Variants in GNAQ observed in about 807,000 individuals in gnomAD.
GNAQ encodes guanine nucleotide-binding protein G(q) subunit alpha.
A neutral mutation model predicts 43.9 loss-of-function variants in GNAQ; 8 were observed. The ratio of observed to expected loss-of-function variants is 0.18; its 90% CI spans 0.11 to 0.33. The LOEUF (loss-of-function observed/expected upper bound fraction) is 0.33. GNAQ is among the 10% of genes least tolerant of loss of function. The pLI, the probability that GNAQ is intolerant of heterozygous loss-of-function variation, is 1.00. For synonymous variants in GNAQ, 155 were observed against 170.7 expected, an observed-to-expected ratio of 0.91 and a Z score of 0.71; for missense variants, 158 against 450.8, an observed-to-expected ratio of 0.35 and a Z score of 5.88.
At chr9:77,983,099 T>A (rs1823388949) in intron 1 of GNAQ, among the ~76,000 whole-genome samples, 1 of 152,196 alleles carries the variant, frequency 6.6e-6, no homozygotes, top group African/African-American at 2.4e-5. Flanking sequence ...CTACCCAGAA[T>A]TCTGCTGTAC....
chr9:78,029,364 AAC>A (rs2118625525), intron 1 of GNAQ, among the ~76,000 whole-genome samples: 1 of 138,226 alleles, frequency 7.2e-6, no homozygotes, highest in Admixed American at 7.0e-5. Context: ...ATACACTTAA[AAC>A]ACTCTTATTT....
chr9:77,872,873 C>A (rs908313251), intron 2 of GNAQ, among the ~76,000 whole-genome samples: 11 of 152,182 alleles, frequency 7.2e-5, no homozygotes, highest in African/African-American at 2.7e-4. Context: ...ACTGATAGTG[C>A]ACTCTCCCTC....
intron 2 of GNAQ, among the ~76,000 whole-genome samples, chr9:77,888,474 G>A (rs1228649481): frequency 6.6e-6 from 1 of 152,132 alleles, no homozygotes; most frequent in African/African-American, 2.4e-5. Context: ...AGCAGAGTGG[G>A]GTAAATGCAG....
intron 1 of GNAQ, among the ~76,000 whole-genome samples, chr9:77,953,555 G>A (rs904671186): frequency 3.3e-5 from 5 of 152,110 alleles, no homozygotes; most frequent in East Asian, 1.9e-4. Context: ...GGGATGAGCC[G>A]GAATTAGAAA....
chr9:77,725,099 A>C (rs905977546), intron 6 of GNAQ, among the ~76,000 whole-genome samples: 3 of 148,332 alleles, frequency 2.0e-5, no homozygotes, highest in African/African-American at 7.5e-5. Flanking sequence ...TTTCTTTTTT[A>C]TTTACCCTAC....
chr9:77,921,079 T>A (rs1438737193), intron 2 of GNAQ, among the ~76,000 whole-genome samples: 2 of 152,330 alleles, frequency 1.3e-5, no homozygotes, highest in South Asian at 4.1e-4. Flanking sequence ...AAATTTCTTA[T>A]TGAAGGCTCT....
At chr9:77,921,321 T>A (rs1368964906) in intron 2 of GNAQ, among the ~76,000 whole-genome samples, 1 of 152,244 alleles carries the variant, frequency 6.6e-6, no homozygotes, top group East Asian at 1.9e-4. Flanking sequence ...ACACCCTGGG[T>A]GCAGGTCCAG....
intron 1 of GNAQ, among the ~76,000 whole-genome samples, chr9:77,958,463 A>G (rs1179201522): frequency 6.6e-6 from 1 of 152,246 alleles, no homozygotes; most frequent in Non-Finnish European, 1.5e-5. Context: ...ATTCTGCAAT[A>G]TTGTGAATTA....
At chr9:77,907,884 T>C (rs1396122333) in intron 2 of GNAQ, among the ~76,000 whole-genome samples, 1 of 152,200 alleles carries the variant, frequency 6.6e-6, no homozygotes, top group East Asian at 1.9e-4. Context: ...CTGCATTTAC[T>C]CTTTTGCACA....
chr9:77,845,437 A>G (rs1827569358), intron 2 of GNAQ, among the ~76,000 whole-genome samples: 1 of 152,236 alleles, frequency 6.6e-6, no homozygotes. Flanking sequence ...AATGTAGGTT[A>G]CATTGGTAAA....
At chr9:77,995,436 A>G (rs1823556705) in intron 1 of GNAQ, among the ~76,000 whole-genome samples, 1 of 152,198 alleles carries the variant, frequency 6.6e-6, no homozygotes, top group African/African-American at 2.4e-5. Flanking sequence ...AAAAGTCTTC[A>G]GCAATTCAGG....
intron 5 of GNAQ, among the ~76,000 whole-genome samples, chr9:77,764,423 C>T (rs538652380): frequency 2.6e-5 from 4 of 152,060 alleles, no homozygotes; most frequent in African/African-American, 9.6e-5. Flanking sequence ...CTATACTAAG[C>T]TGGACTCTAG....
chr9:77,871,701 T>C (rs992820491), intron 2 of GNAQ, among the ~76,000 whole-genome samples: 4 of 152,188 alleles, frequency 2.6e-5, no homozygotes, highest in Admixed American at 2.0e-4. Context: ...GATGGAGCAA[T>C]AAGGATGTGT....
intron 2 of GNAQ, among the ~76,000 whole-genome samples, chr9:77,891,897 T>G (rs371744066): frequency 2.2e-4 from 34 of 152,266 alleles, no homozygotes; most frequent in Middle Eastern, 3.4e-3. Context: ...CAAACCCCTT[T>G]GAACTACAGC....
chr9:77,829,536 AT>A (rs1466787207), intron 2 of GNAQ, among the ~76,000 whole-genome samples: 2 of 152,198 alleles, frequency 1.3e-5, no homozygotes, highest in African/African-American at 4.8e-5. Flanking sequence ...TCACAATAAA[AT>A]TCCCTGTGAC....
At chr9:77,828,724 CA>C (rs949321516) in intron 2 of GNAQ, among the ~76,000 whole-genome samples, 1 of 152,094 alleles carries the variant, frequency 6.6e-6, no homozygotes, top group Non-Finnish European at 1.5e-5. Context: ...TGTGATCTAA[CA>C]AGACTGAGGA....
chr9:77,886,235 G>A (rs1218218920), intron 2 of GNAQ, among the ~76,000 whole-genome samples: 1 of 152,096 alleles, frequency 6.6e-6, no homozygotes, highest in Non-Finnish European at 1.5e-5. Flanking sequence ...CCAAAGTTCT[G>A]GTGCTGGGGT....
chr9:77,923,844 G>A (rs1002826751), intron 1 of GNAQ, among the ~76,000 whole-genome samples: 1 of 151,940 alleles, frequency 6.6e-6, no homozygotes, highest in Middle Eastern at 3.4e-3. Flanking sequence ...AGGAAGGAGG[G>A]AGAAAAAAAA....
At chr9:77,951,849 A>G (rs933194855) in intron 1 of GNAQ, among the ~76,000 whole-genome samples, 6 of 152,222 alleles carry the variant, frequency 3.9e-5, no homozygotes, top group Non-Finnish European at 8.8e-5. Context: ...TTCCTAAATA[A>G]GCTTGTTCAA....
Sources: gnomAD v4.1 joint callset for allele counts (sites outside exome capture counted in the v4.1 genomes callset) on GRCh38, gnomAD v4.1.1 for gene constraint, MANE v1.5 for transcripts, NCBI Gene and HGNC (gene_info 2026-07-23, HGNC 2026-07-21) for gene names.